Variants in NUP210L observed in about 807,000 individuals in gnomAD.
NUP210L encodes the protein nucleoporin 210 like, also known as nuclear pore membrane glycoprotein 210-like.
A neutral mutation model predicts 208.5 loss-of-function variants in NUP210L; 74 were observed. That is an observed-to-expected ratio of 0.35 (90% CI 0.29 to 0.43). The LOEUF is 0.43. Among genes scored for constraint, NUP210L ranks in the 20% least tolerant of loss-of-function variants. The probability of loss-of-function intolerance (pLI) is 1.00; values close to 1 mark genes in which losing one functional copy is unlikely to be tolerated. For synonymous variants in NUP210L, 780 were observed against 816.9 expected (o/e 0.95, Z 0.77); for missense variants, 1,843 against 2,289.4 (o/e 0.81, Z 3.98).
Position 154,003,009 on chromosome 1 carries a change from C to G in NUP210L, c.4931-1024G>C, listed in dbSNP as rs1309108602. ...TTACCCATGATTAATCCTTAGCTGT[C>G]TTTTTTTTTTTTTTTTAAAGAGACA... On this transcript the variant is annotated intron_variant, in intron 35 of 39. Transcript: ENST00000368559. 3.7e-5 allele frequency among the ~76,000 whole-genome samples: 5 copies of G among 133,496 alleles called. No homozygotes were observed. In the South Asian group the frequency reaches 1.2e-3, roughly 32 times the overall value. The allele number at this position is 133,496 out of a possible 152,430, so 87.6% of individuals were successfully genotyped here. A position where few individuals can be genotyped will look rare whatever the true frequency, so the allele number is the denominator to read the frequency against.
chr1:154,089,689 A>G (rs1254930433), intron 15 of NUP210L, 95 bp from the exon 16 acceptor site: 3 of 993,434 alleles, frequency 3.0e-6, no homozygotes, highest in Non-Finnish European at 4.7e-6. Flanking sequence ...AAATTCCAGT[A>G]TAGAGAGTCC....
At chr1:154,012,151 GA>G in intron 34 of NUP210L, 92 bp downstream of exon 34, 1 of 1,311,538 alleles carries the variant, frequency 7.6e-7, no homozygotes, top group East Asian at 2.3e-5. Flanking sequence ...GAAATAAAAA[GA>G]AAATCTGGAT....
intron 21 of NUP210L, 145 bp from the exon 22 acceptor site, chr1:154,058,361 ATTGTT>A: frequency 9.4e-7 from 1 of 1,065,226 alleles, no homozygotes; most frequent in Non-Finnish European, 1.3e-6. Flanking sequence ...ATCTATGTGT[ATTGTT>A]TTAAGTTGGT....
exon 29 of NUP210L, chr1:154,027,535 T>C (rs1266480607): frequency 1.2e-6 from 2 of 1,613,584 alleles, no homozygotes; most frequent in Admixed American, 3.3e-5. Flanking sequence ...GCTGAGAATT[T>C]ATAGGCATCA....
intron 13 of NUP210L, among the ~76,000 whole-genome samples, chr1:154,101,172 CAAAAAA>C (rs35540425): frequency 1.4e-4 from 15 of 104,740 alleles, no homozygotes; most frequent in East Asian, 5.7e-4. Context: ...AACTCTGTCT[CAAAAAA>C]AAAAAAAAAA....
exon 39 of NUP210L, chr1:153,993,075 G>A: frequency 6.2e-7 from 1 of 1,613,160 alleles, no homozygotes; most frequent in Non-Finnish European, 8.5e-7. Context: ...ATCTTGTTTA[G>A]GAAGGCATTG....
At chr1:154,070,126 A>G (rs1312813304) in intron 17 of NUP210L, 147 bp downstream of exon 17, 1 of 615,144 alleles carries the variant, frequency 1.6e-6, no homozygotes, top group Non-Finnish European at 2.8e-6. Context: ...GGTGCAGCAA[A>G]CCAACATGGC....
chr1:154,152,042 A>T (rs926633839), intron 2 of NUP210L, among the ~76,000 whole-genome samples: 2 of 145,316 alleles, frequency 1.4e-5, no homozygotes, highest in African/African-American at 5.1e-5. Context: ...GTGAGCCAAG[A>T]TCACGCCACT....
At chr1:154,128,869 A>G (rs1377504058) in intron 8 of NUP210L, among the ~76,000 whole-genome samples, 3 of 152,160 alleles carry the variant, frequency 2.0e-5, no homozygotes, top group Non-Finnish European at 4.4e-5. Context: ...AAACAAACAC[A>G]AACAAAAAAA....
intron 16 of NUP210L, among the ~76,000 whole-genome samples, chr1:154,074,432 G>A (rs563564346): frequency 6.8e-6 from 1 of 147,770 alleles, no homozygotes; most frequent in South Asian, 2.1e-4. Context: ...CCCTCCTTCT[G>A]TCTCTTTCTT....
chr1:154,105,205 C>T (rs1009659074), intron 12 of NUP210L, among the ~76,000 whole-genome samples: 1 of 152,298 alleles, frequency 6.6e-6, no homozygotes, highest in Non-Finnish European at 1.5e-5. Flanking sequence ...GCCCTTGGGC[C>T]TTGGCCGGGT....
chr1:154,095,240 G>A, intron 14 of NUP210L, 84 bp from the exon 15 acceptor site: 2 of 999,074 alleles, frequency 2.0e-6, no homozygotes, highest in South Asian at 1.5e-5. Context: ...ATCTGAATAT[G>A]CTGCAAATGA....
chr1:154,060,063 A>C (rs1654055624), intron 20 of NUP210L, among the ~76,000 whole-genome samples: 1 of 152,056 alleles, frequency 6.6e-6, no homozygotes, highest in Non-Finnish European at 1.5e-5. Flanking sequence ...ACATGGTAAA[A>C]CCCTATCTCT....
exon 13 of NUP210L, chr1:154,104,090 T>G (rs1158955249): frequency 6.2e-7 from 1 of 1,614,028 alleles, no homozygotes; most frequent in Non-Finnish European, 8.5e-7. Flanking sequence ...GTGAATGCCA[T>G]GGCTTCTTTG....
At chr1:154,045,333 G>A (rs909436101) in intron 27 of NUP210L, among the ~76,000 whole-genome samples, 2 of 149,166 alleles carry the variant, frequency 1.3e-5, no homozygotes, top group African/African-American at 4.9e-5. Flanking sequence ...GCACAACCAT[G>A]ATTATGAATA....
intron 8 of NUP210L, among the ~76,000 whole-genome samples, chr1:154,128,456 G>C (rs1427794185): frequency 6.6e-6 from 1 of 152,232 alleles, no homozygotes; most frequent in African/African-American, 2.4e-5. Context: ...ATTCCAGCCT[G>C]GGCAACAGAG....
exon 21 of NUP210L, chr1:154,058,682 T>C: frequency 6.2e-7 from 1 of 1,613,314 alleles, no homozygotes; most frequent in Non-Finnish European, 8.5e-7. Context: ...ATCCAGGATG[T>C]AATGGAACTA....
At chr1:154,142,902 A>C (rs1339090050) in intron 3 of NUP210L, among the ~76,000 whole-genome samples, 1 of 140,770 alleles carries the variant, frequency 7.1e-6, no homozygotes, top group Non-Finnish European at 1.5e-5. Context: ...AAAAAAAAAG[A>C]AAGTGGCCAG....
intron 12 of NUP210L, among the ~76,000 whole-genome samples, chr1:154,115,936 T>G (rs1167866849): frequency 6.6e-6 from 1 of 151,820 alleles, no homozygotes; most frequent in Non-Finnish European, 1.5e-5. Flanking sequence ...CTGGCCATAA[T>G]GGTGAAACCC....
Sources: gnomAD v4.1 joint callset for allele counts (sites outside exome capture counted in the v4.1 genomes callset) on GRCh38, gnomAD v4.1.1 for gene constraint, MANE v1.5 for transcripts, NCBI Gene and HGNC (gene_info 2026-07-23, HGNC 2026-07-21) for gene names.